Variants in TBC1D5 observed in about 807,000 individuals in gnomAD.
The protein encoded by TBC1D5 is TBC1 domain family member 5.
TBC1D5 carries 75 observed loss-of-function variants against 100.3 expected under a neutral mutation model. That is an observed-to-expected ratio of 0.75 (90% CI 0.62 to 0.91). The LOEUF is 0.91. TBC1D5 is among the 40% of genes least tolerant of loss of function. The pLI is 0.00. For missense variants in TBC1D5, 910 were observed against 942.4 expected, an observed-to-expected ratio of 0.97 and a Z score of 0.45; for synonymous variants, 323 against 325.6, an observed-to-expected ratio of 0.99 and a Z score of 0.09.
At chr3:17,291,918 C>A in exon 15 of TBC1D5, 1 of 1,613,800 alleles carries the variant, frequency 6.2e-7, no homozygotes, top group Non-Finnish European at 8.5e-7. Flanking sequence ...AGGAACAGAG[C>A]CTTAAGAATC....
intron 2 of TBC1D5, among the ~76,000 whole-genome samples, chr3:17,540,992 C>A (rs1029390379): frequency 6.7e-6 from 1 of 148,646 alleles, no homozygotes; most frequent in Non-Finnish European, 1.5e-5. Flanking sequence ...TATTTCTGGG[C>A]TCTCTCTTCT....
chr3:17,385,223 C>T (rs2028874), intron 8 of TBC1D5, among the ~76,000 whole-genome samples: 10 of 151,706 alleles, frequency 6.6e-5, no homozygotes, highest in East Asian at 1.9e-4. Context: ...AGGAATAAGA[C>T]GCCATTATTA....
chr3:17,163,603 G>A (rs1409420297), intron 21 of TBC1D5, among the ~76,000 whole-genome samples: 3 of 152,064 alleles, frequency 2.0e-5, no homozygotes, highest in Admixed American at 6.5e-5. Flanking sequence ...CCTCTTACCC[G>A]CTTCCTGCCA....
At chr3:17,371,698 C>A (rs2092467364) in intron 13 of TBC1D5, among the ~76,000 whole-genome samples, 1 of 152,092 alleles carries the variant, frequency 6.6e-6, no homozygotes, top group Admixed American at 6.6e-5. Flanking sequence ...TTTTAAGGAT[C>A]CGAGCACATA....
At chr3:17,450,210 G>A (rs2094894002) in intron 3 of TBC1D5, among the ~76,000 whole-genome samples, 1 of 152,046 alleles carries the variant, frequency 6.6e-6, no homozygotes, top group African/African-American at 2.4e-5. Context: ...GGACACCCAC[G>A]CAAAAACCCC....
chr3:17,308,302 A>G (rs182642989), intron 13 of TBC1D5, among the ~76,000 whole-genome samples, 168 bp from the exon 14 acceptor site: 4 of 152,130 alleles, frequency 2.6e-5, no homozygotes, highest in Non-Finnish European at 4.4e-5. Flanking sequence ...AATGAATTTT[A>G]TAATTGTATA....
chr3:17,605,287 T>C (rs774251843), intron 2 of TBC1D5, among the ~76,000 whole-genome samples: 2 of 152,200 alleles, frequency 1.3e-5, no homozygotes, highest in Non-Finnish European at 2.9e-5. Flanking sequence ...CTACTTTTAC[T>C]AAACCACACA....
rs201024876 is a variant in TBC1D5, at chr3:17,176,202, G to A, written c.1853-8374C>T. Among the ~76,000 whole-genome samples the A allele has an allele frequency of 2.0e-5, 3 of 152,182 alleles. No individual in the cohort carries two copies. The East Asian group carries it at 5.8e-4, about 29-fold the overall frequency. On this transcript the variant is annotated intron_variant, in intron 19 of 21. Coordinates refer to ENST00000253692, the Ensembl canonical transcript of TBC1D5. ...ACAATTTCCTCCACTGTACACTAGG[G>A]ATACTCTCTCTCAACTTGCAGACTT...
rs1262551926 is a variant in TBC1D5, at chr3:17,531,865, C to T, written c.-35-23260G>A. Among the ~76,000 whole-genome samples the T allele has an allele frequency of 3.3e-5, 5 of 152,174 alleles. No homozygotes were observed. In the South Asian group the frequency reaches 6.2e-4, roughly 19 times the overall value. ...TGGATTAAAGATTTACATGTTAGACCTAAAACCATAAAAACCCTAGAAGAA... is the reference window on the plus strand; with the variant it reads ...TGGATTAAAGATTTACATGTTAGACTTAAAACCATAAAAACCCTAGAAGAA... On this transcript the variant is annotated intron_variant, in intron 2 of 21. Coordinates refer to ENST00000253692, the Ensembl canonical transcript of TBC1D5.
intron 1 of TBC1D5, among the ~76,000 whole-genome samples, chr3:17,656,770 G>A (rs2153731766): frequency 6.6e-6 from 1 of 152,108 alleles, no homozygotes. Context: ...ACTTTCATAT[G>A]TTTTTTCGCT....
At chr3:17,506,842 C>T (rs1169083576) in intron 3 of TBC1D5, among the ~76,000 whole-genome samples, 3 of 151,438 alleles carry the variant, frequency 2.0e-5, no homozygotes, top group African/African-American at 4.8e-5. Flanking sequence ...ACAGCAACCC[C>T]GTCTCTACTA....
At chr3:17,345,962 T>C (rs2089801702) in intron 13 of TBC1D5, among the ~76,000 whole-genome samples, 1 of 151,994 alleles carries the variant, frequency 6.6e-6, no homozygotes, top group South Asian at 2.1e-4. Flanking sequence ...GAGATATACC[T>C]AATGCTAAAT....
At chr3:17,258,734 C>G (rs1199181950) in intron 15 of TBC1D5, 143 bp from the exon 16 acceptor site, 3 of 526,470 alleles carry the variant, frequency 5.7e-6, no homozygotes, top group Non-Finnish European at 9.1e-6. Context: ...TTGGGTTTTG[C>G]TTTTATTAAA....
chr3:17,178,213 C>A (rs1022146730), intron 19 of TBC1D5, among the ~76,000 whole-genome samples: 9 of 151,994 alleles, frequency 5.9e-5, no homozygotes, highest in Non-Finnish European at 1.3e-4. Flanking sequence ...CTACATGCGC[C>A]CACCACCACG....
intron 3 of TBC1D5, among the ~76,000 whole-genome samples, chr3:17,504,386 G>T (rs2095821553): frequency 6.6e-6 from 1 of 151,332 alleles, no homozygotes; most frequent in Non-Finnish European, 1.5e-5. Flanking sequence ...GTATACATAT[G>T]TAACTAACCT....
chr3:17,658,766 G>A (rs939382217), intron 1 of TBC1D5, among the ~76,000 whole-genome samples: 3 of 152,076 alleles, frequency 2.0e-5, no homozygotes, highest in Non-Finnish European at 2.9e-5. Flanking sequence ...AGATTCAAGC[G>A]ATTCTCGTGC....
intron 18 of TBC1D5, among the ~76,000 whole-genome samples, chr3:17,193,278 G>A (rs1407997766): frequency 6.6e-6 from 1 of 152,130 alleles, no homozygotes; most frequent in African/African-American, 2.4e-5. Context: ...AAGACCACAA[G>A]GTCAAGTATA....
At chr3:17,589,977 T>A (rs1333356081) in intron 2 of TBC1D5, among the ~76,000 whole-genome samples, 1 of 152,146 alleles carries the variant, frequency 6.6e-6, no homozygotes, top group Admixed American at 6.5e-5. Context: ...TGAAATGGGA[T>A]CTGAAAGGTA....
chr3:17,373,072 T>G (rs2092546759), intron 12 of TBC1D5, among the ~76,000 whole-genome samples: 2 of 152,188 alleles, frequency 1.3e-5, no homozygotes, highest in Non-Finnish European at 2.9e-5. Context: ...CATGGAAACT[T>G]AAATTTCATA....
Sources: allele counts gnomAD v4.1 joint callset (sites outside exome capture counted in the v4.1 genomes callset), GRCh38; gene constraint gnomAD v4.1.1; transcripts MANE v1.5; gene names NCBI Gene and HGNC (gene_info 2026-07-23, HGNC 2026-07-21).